Variants in TP73 observed in about 807,000 individuals in gnomAD.
The protein encoded by TP73 is tumor protein p73.
Under a neutral mutation model 62.5 loss-of-function variants are expected in TP73, and 25 were observed. That is an observed-to-expected ratio of 0.40 (90% CI 0.29 to 0.56). The LOEUF is 0.56. Among genes scored for constraint, TP73 ranks in the 20% least tolerant of loss-of-function variants. The probability of loss-of-function intolerance (pLI) is 0.46; values close to 1 mark genes in which losing one functional copy is unlikely to be tolerated. For synonymous variants in TP73, 423 were observed against 377.5 expected, an observed-to-expected ratio of 1.12 and a Z score of -1.40; for missense variants, 754 against 913.3, an observed-to-expected ratio of 0.83 and a Z score of 2.25.
rs756587247 is a variant in TP73, at chr1:3,727,136, A to G, written c.754A>G (p.Ile252Val). The change falls in exon 7 of 14, where the codon ATC (isoleucine) becomes GTC (valine). Residue 252 changes from isoleucine to valine, a missense_variant. Physicochemically the swap from Ile to Val is conservative, Grantham distance 29. Around this residue, in one of 3 missense-constraint regions of TP73, gnomAD observed 61 missense variants for 133.2 expected, o/e 0.46. Coordinates refer to ENST00000378295, the MANE Select transcript of TP73 (RefSeq NM_005427.4). ...GCAGGTGGGGACGGAATTCACCACC[A>G]TCCTGTACAACTTCATGTGTAACAG... The part of the protein sequence containing the change: ...PPQVGTEFTT[I>V]LYNFMCNSSC... 6.7e-5 allele frequency: 108 copies of G among 1,611,956 alleles called. No individual in the cohort carries two copies. The highest frequency in any genetic ancestry group is 9.1e-5 in the Non-Finnish European group (107 of 1,179,524).
intron 1 of TP73, among the ~76,000 whole-genome samples, chr1:3,680,660 G>A (rs3765706): frequency 0.17 from 25,492 of 152,234 alleles, 2,528 homozygotes; most frequent in Admixed American, 0.26. Flanking sequence ...GGGACCCACC[G>A]TGGGGTATGG....
At chr1:3,655,079 G>GA (rs1644837359) in intron 1 of TP73, among the ~76,000 whole-genome samples, 1 of 152,220 alleles carries the variant, frequency 6.6e-6, no homozygotes, top group Admixed American at 6.5e-5. Context: ...CAAAAAGTCA[G>GA]AAAAAGTCTT....
At chr1:3,680,492 T>A (rs1645494399) in intron 1 of TP73, among the ~76,000 whole-genome samples, 3 of 152,190 alleles carry the variant, frequency 2.0e-5, no homozygotes, top group Admixed American at 2.0e-4. Flanking sequence ...CCCAGGCTTG[T>A]CCTCTTGGAT....
Position 3,696,191 on chromosome 1 carries a change from G to A in TP73, c.187-11358G>A, listed in dbSNP as rs1348279574. Among the ~76,000 whole-genome samples, 2 of 152,136 alleles carry A rather than the reference G, an allele frequency of 1.3e-5. No individual in the cohort carries two copies. The highest frequency in any genetic ancestry group is 2.9e-5 in the Non-Finnish European group (2 of 68,034). ...TCCTGTGTGCATCAGAGGAGGTGGTGGGTGGTGGTCAGGCTTAGGGTGGAG... is the reference window on the plus strand; with the variant it reads ...TCCTGTGTGCATCAGAGGAGGTGGTAGGTGGTGGTCAGGCTTAGGGTGGAG... On this transcript the variant is annotated intron_variant, in intron 3 of 13. Coordinates refer to ENST00000378295, the MANE Select transcript of TP73 (RefSeq NM_005427.4). This position sits in a 1 kb window ranked among gnomAD's most constrained non-coding sequence, Gnocchi z 4.1.
intron 4 of TP73, among the ~76,000 whole-genome samples, chr1:3,711,675 C>T (rs1640152233): frequency 6.6e-6 from 1 of 152,216 alleles, no homozygotes; most frequent in Non-Finnish European, 1.5e-5. Context: ...CTGAGTGACA[C>T]CACCCACAGC....
chr1:3,729,560 C>G, intron 10 of TP73, 112 bp downstream of exon 10: 1 of 1,574,308 alleles, frequency 6.4e-7, no homozygotes, highest in Non-Finnish European at 8.6e-7. Context: ...CTGCCAGGGA[C>G]AGGCAGCAGG....
chr1:3,707,846 AG>A, intron 4 of TP73, 55 bp downstream of exon 4: 1 of 1,572,886 alleles, frequency 6.4e-7, no homozygotes, highest in Non-Finnish European at 8.6e-7. Flanking sequence ...GCTGGAGAGG[AG>A]GTGGCTGCGT....
chr1:3,715,061 G>A (rs1043389899), intron 4 of TP73, among the ~76,000 whole-genome samples: 1 of 152,202 alleles, frequency 6.6e-6, no homozygotes, highest in East Asian at 1.9e-4. Context: ...CGGCAGCAAA[G>A]TGGAGGCTGG....
chr1:3,717,110 G>A (rs957920327), intron 4 of TP73, among the ~76,000 whole-genome samples: 2 of 152,242 alleles, frequency 1.3e-5, no homozygotes, highest in African/African-American at 2.4e-5. Flanking sequence ...GATGCTACAC[G>A]TCCCAGGAAA....
chr1:3,696,626 G>A lies in TP73; in HGVS notation c.187-10923G>A, dbSNP rs539280747. Among the ~76,000 whole-genome samples, 49 of 152,160 alleles carry A rather than the reference G, an allele frequency of 3.2e-4. 1 individual carries two copies. The South Asian group carries it at 8.5e-3, about 26-fold the overall frequency. ...GCTGGGAGAACAGAAAAGGGACTGG[G>A]GCTTGGCAACCCAGAGGCTGCTGAG... On this transcript the variant is annotated intron_variant, in intron 3 of 13. Transcript: ENST00000378295. The surrounding 1 kb of genome is among the most constrained non-coding windows in gnomAD (Gnocchi z 4.1).
chr1:3,722,902 C>G (rs1641200115), intron 5 of TP73, among the ~76,000 whole-genome samples: 1 of 146,724 alleles, frequency 6.8e-6, no homozygotes, highest in Non-Finnish European at 1.5e-5. Flanking sequence ...ACCTCTGCAC[C>G]TAGCACAGGA....
Position 3,735,679 on chromosome 1 carries a change from C to T in TP73, c.*2600C>T, listed in dbSNP as rs1642420430. The T allele has an allele frequency of 6.6e-6, 1 of 152,228 alleles. No individual in the cohort carries two copies. Among genetic ancestry groups the T allele is most frequent in the Non-Finnish European group, 1.5e-5 (1 of 68,044 alleles). 9.4% of individuals were successfully genotyped at this position (152,228 alleles called of 1,614,324 possible). ...ATAAATCTTGAAGGCGGATGGTTTT[C>T]CCAGCAGTGCAGGGGTTGGAGGGAG... On this transcript the variant is annotated 3_prime_UTR_variant, in exon 14 of 14. Coordinates refer to ENST00000378295, the MANE Select transcript of TP73 (RefSeq NM_005427.4).
intron 4 of TP73, among the ~76,000 whole-genome samples, chr1:3,711,338 G>T (rs1226896246): frequency 6.6e-6 from 1 of 152,234 alleles, no homozygotes; most frequent in Non-Finnish European, 1.5e-5. Context: ...TGCAGGGCAT[G>T]CATGACCTGG....
In TP73 at chr1:3,718,001, G is replaced by A. The variant is rs1045637687; in HGVS notation, c.430-4020G>A. Among the ~76,000 whole-genome samples, 18 of 152,330 alleles carry A rather than the reference G, an allele frequency of 1.2e-4. No homozygotes were observed. The South Asian group carries it at 1.9e-3, about 16-fold the overall frequency. On this transcript the variant is annotated intron_variant, in intron 4 of 13. Transcript: ENST00000378295. ...TGGTGGCCTTACTGGCCAGAGGGGAGGAGAAGTGCTCACATCGCCTGAGGA... is the reference window on the plus strand; with the variant it reads ...TGGTGGCCTTACTGGCCAGAGGGGAAGAGAAGTGCTCACATCGCCTGAGGA...
At chr1:3,731,432 T>A (rs1570654128) in intron 12 of TP73, 31 bp from the exon 13 acceptor site, 1 of 1,599,310 alleles carries the variant, frequency 6.3e-7, no homozygotes, top group Non-Finnish European at 8.6e-7. Flanking sequence ...CGGAAGCTAA[T>A]GCTGCTTCCT....
At chr1:3,707,454 G>A in intron 3 of TP73, 95 bp from the exon 4 acceptor site, 1 of 1,499,492 alleles carries the variant, frequency 6.7e-7, no homozygotes, top group South Asian at 1.3e-5. Flanking sequence ...GGAGCCGCTG[G>A]CCCTTTAAGG....
rs1157437727 is a variant in TP73 at position 3,672,592 on chromosome 1, C to T, written c.-33-9741C>T. Among the ~76,000 whole-genome samples the T allele has an allele frequency of 6.6e-6, 1 of 151,780 alleles. No individual in the cohort carries two copies. The highest frequency in any genetic ancestry group is 1.5e-5 in the Non-Finnish European group (1 of 67,922). ...AGCTCCGCTCTGTCCCAGCCCTGGA[C>T]CCCTCACCCCCTATCCTTGGCAGTC... On this transcript the variant is annotated intron_variant, in intron 1 of 13. Coordinates refer to ENST00000378295, the MANE Select transcript of TP73 (RefSeq NM_005427.4). This position sits in a 1 kb window ranked among gnomAD's most constrained non-coding sequence, Gnocchi z 5.3.
chr1:3,681,357 G>A (rs575041392), intron 1 of TP73, among the ~76,000 whole-genome samples: 1 of 152,292 alleles, frequency 6.6e-6, no homozygotes, highest in Non-Finnish European at 1.5e-5. Flanking sequence ...CTGTGGGCAG[G>A]GTGGGCTCGG....
rs912350989 is a variant in TP73, at chr1:3,666,768, A to G, written c.-34+14127A>G. Among the ~76,000 whole-genome samples the G allele has an allele frequency of 6.6e-6, 1 of 152,160 alleles. No homozygotes were observed. The highest frequency in any genetic ancestry group is 1.5e-5 in the Non-Finnish European group (1 of 68,032). ...GCGGTGGGGATGGTGCTCTGAGCAG[A>G]CGCGACTCAGTGCCATGCGGGCGTC... On this transcript the variant is annotated intron_variant, in intron 1 of 13. Coordinates refer to ENST00000378295, the MANE Select transcript of TP73 (RefSeq NM_005427.4). This position sits in a 1 kb window ranked among gnomAD's most constrained non-coding sequence, Gnocchi z 6.4.
Sources: gnomAD v4.1 joint callset for allele counts (sites outside exome capture counted in the v4.1 genomes callset) on GRCh38, gnomAD v4.1.1 for gene constraint, gnomAD v4.1.1 regional missense constraint, Gnocchi (gnomAD v3.1) non-coding constraint, MANE v1.5 for transcripts, NCBI Gene and HGNC (gene_info 2026-07-23, HGNC 2026-07-21) for gene names.